The following AKAP13 variants were observed in gnomAD, a reference collection of about 807,000 sequenced individuals.
AKAP13 encodes A-kinase anchor protein 13.
Under a neutral mutation model 264.5 loss-of-function variants are expected in AKAP13, and 80 were observed. That is an observed-to-expected ratio of 0.30 (90% CI 0.25 to 0.36). The LOEUF is 0.36. Ranked by LOEUF, AKAP13 falls within the 10% of genes least tolerant of loss-of-function variation. The probability of loss-of-function intolerance (pLI) is 1.00; values close to 1 mark genes in which losing one functional copy is unlikely to be tolerated. For missense variants in AKAP13, 3,712 were observed against 3,435.2 expected, an observed-to-expected ratio of 1.08 and a Z score of -2.01; for synonymous variants, 1,380 against 1,250.2, an observed-to-expected ratio of 1.10 and a Z score of -2.19.
At chr15:85,733,761 TATA>T in intron 30 of AKAP13, among the ~76,000 whole-genome samples, 1 of 152,180 alleles carries the variant, frequency 6.6e-6, no homozygotes, top group East Asian at 1.9e-4. Context: ...TTTTGATTTC[TATA>T]ATGATTGTTT....
chr15:85,633,158 G>A lies in AKAP13; in HGVS notation c.4162-6216G>A, dbSNP rs962935522. On this transcript the variant is annotated intron_variant, in intron 8 of 36. Coordinates refer to ENST00000394518, the MANE Select transcript of AKAP13 (RefSeq NM_007200.5). The stretch of plus-strand genomic sequence containing the variant: ...TGGGATTACAGGCATGTGCCACCGC[G>A]CCCGGCAGAAATAGAATTTTAATAG... 7.2e-5 allele frequency among the ~76,000 whole-genome samples: 11 copies of A among 151,974 alleles called. No homozygotes were observed. In the East Asian group the frequency reaches 9.7e-4, roughly 13 times the overall value.
intron 8 of AKAP13, among the ~76,000 whole-genome samples, chr15:85,588,836 G>A (rs912173583): frequency 1.3e-5 from 2 of 152,154 alleles, no homozygotes; most frequent in African/African-American, 4.8e-5. Context: ...ACAACAGGGC[G>A]ATTCCTCCTT....
chr15:85,475,695 A>C (rs1013146185), intron 1 of AKAP13, among the ~76,000 whole-genome samples: 1 of 152,218 alleles, frequency 6.6e-6, no homozygotes, highest in African/African-American at 2.4e-5. Context: ...AGCAGAATTC[A>C]TGCTGCCTTT....
At chr15:85,665,145 T>A (rs1249032461) in intron 13 of AKAP13, among the ~76,000 whole-genome samples, 1 of 152,108 alleles carries the variant, frequency 6.6e-6, no homozygotes, top group East Asian at 1.9e-4. Flanking sequence ...TAAGGCTGCA[T>A]TGAGTTGTGA....
chr15:85,620,187 A>G, intron 8 of AKAP13: 1 of 1,535,398 alleles, frequency 6.5e-7, no homozygotes, highest in East Asian at 2.4e-5. Context: ...GGGGGGCTGC[A>G]CCTCATGCAT....
At chr15:85,739,316 C>T (rs1471930269) in intron 33 of AKAP13, among the ~76,000 whole-genome samples, 1 of 151,996 alleles carries the variant, frequency 6.6e-6, no homozygotes, top group African/African-American at 2.4e-5. Context: ...AGTTTTTGTT[C>T]GTTTGATAAG....
At chr15:85,446,721 T>C (rs1211662865) in intron 1 of AKAP13, among the ~76,000 whole-genome samples, 2 of 150,554 alleles carry the variant, frequency 1.3e-5, no homozygotes, top group Non-Finnish European at 3.0e-5. Context: ...TTTTTTTTTT[T>C]TTTTTTTGAG....
At chr15:85,514,921 G>C (rs186817857) in intron 2 of AKAP13, among the ~76,000 whole-genome samples, 1 of 135,160 alleles carries the variant, frequency 7.4e-6, no homozygotes, top group Admixed American at 7.5e-5. Flanking sequence ...TTTTTATTTA[G>C]TTTACTTAAC....
intron 3 of AKAP13, among the ~76,000 whole-genome samples, chr15:85,526,622 A>G (rs1358518607): frequency 6.6e-6 from 1 of 152,188 alleles, no homozygotes; most frequent in Non-Finnish European, 1.5e-5. Flanking sequence ...GGTGTCCAGT[A>G]TTACCAAATG....
chr15:85,387,407 T>TGG (rs1436468416), intron 1 of AKAP13, among the ~76,000 whole-genome samples: 1 of 152,190 alleles, frequency 6.6e-6, no homozygotes, highest in African/African-American at 2.4e-5. Context: ...AACCACTCAC[T>TGG]GCAGCCTTGA....
At chr15:85,675,918 C>CTT (rs143290741) in intron 14 of AKAP13, among the ~76,000 whole-genome samples, 99 of 145,752 alleles carry the variant, frequency 6.8e-4, no homozygotes, top group African/African-American at 2.1e-3. Context: ...CAGTAGAAGG[C>CTT]TTTTTTTTTT....
At chr15:85,740,957 G>A in intron 34 of AKAP13, 89 bp from the exon 35 acceptor site, 2 of 1,512,178 alleles carry the variant, frequency 1.3e-6, no homozygotes, top group South Asian at 2.7e-5. Flanking sequence ...CATAGTGCCT[G>A]GTGCCCCCTG....
At chr15:85,518,560 A>G in intron 2 of AKAP13, among the ~76,000 whole-genome samples, 1 of 152,234 alleles carries the variant, frequency 6.6e-6, no homozygotes, top group East Asian at 1.9e-4. Flanking sequence ...GACCAGGTGC[A>G]GTGGCTCATG....
At chr15:85,435,920 A>G (rs1366341018) in intron 1 of AKAP13, among the ~76,000 whole-genome samples, 11 of 143,736 alleles carry the variant, frequency 7.7e-5, no homozygotes, top group African/African-American at 2.6e-4. Flanking sequence ...AACGAGCAAA[A>G]TCACCAGCTA....
chr15:85,519,812 G>A (rs1038865857), intron 2 of AKAP13, among the ~76,000 whole-genome samples: 6 of 152,156 alleles, frequency 3.9e-5, no homozygotes, highest in African/African-American at 1.4e-4. Flanking sequence ...GCTTTTTAGT[G>A]TTTAGTAAAA....
At chr15:85,709,722 G>T (rs1445785922) in intron 18 of AKAP13, among the ~76,000 whole-genome samples, 4 of 144,948 alleles carry the variant, frequency 2.8e-5, no homozygotes, top group African/African-American at 1.0e-4. Flanking sequence ...GAGTCTCACT[G>T]TGTCACCCAG....
chr15:85,652,984 G>T (rs2082929365), intron 10 of AKAP13, among the ~76,000 whole-genome samples: 1 of 152,144 alleles, frequency 6.6e-6, no homozygotes, highest in Non-Finnish European at 1.5e-5. Flanking sequence ...CTCACATTCT[G>T]AGAAGGACCT....
intron 8 of AKAP13, among the ~76,000 whole-genome samples, chr15:85,593,531 ATT>A (rs34359285): frequency 6.2e-5 from 9 of 145,804 alleles, no homozygotes; most frequent in Non-Finnish European, 7.5e-5. Context: ...CCATGTGGGA[ATT>A]TTTTTTTTTT....
chr15:85,653,205 T>G (rs1257508075), intron 10 of AKAP13, among the ~76,000 whole-genome samples: 1 of 152,198 alleles, frequency 6.6e-6, no homozygotes, highest in African/African-American at 2.4e-5. Flanking sequence ...AACCATAGTT[T>G]TATTTTACAG....
Sources: gnomAD v4.1 joint callset for allele counts (sites outside exome capture counted in the v4.1 genomes callset) on GRCh38, gnomAD v4.1.1 for gene constraint, MANE v1.5 for transcripts, NCBI Gene and HGNC (gene_info 2026-07-23, HGNC 2026-07-21) for gene names.